Variants in PTPRN2 observed in about 807,000 individuals in gnomAD.
PTPRN2 encodes receptor-type tyrosine-protein phosphatase N2.
A neutral mutation model predicts 118.8 loss-of-function variants in PTPRN2; 74 were observed. That is an observed-to-expected ratio of 0.62 (90% CI 0.52 to 0.76). The LOEUF (loss-of-function observed/expected upper bound fraction) is 0.76, where lower values mean the gene tolerates loss of function less well. Ranked by LOEUF, PTPRN2 falls within the 30% of genes least tolerant of loss-of-function variation. The pLI, the probability that PTPRN2 is intolerant of heterozygous loss-of-function variation, is 0.00. For synonymous variants in PTPRN2, 641 were observed against 608.0 expected, an observed-to-expected ratio of 1.05 and a Z score of -0.80; for missense variants, 1,481 against 1,394.4, an observed-to-expected ratio of 1.06 and a Z score of -0.99.
intron 1 of PTPRN2, among the ~76,000 whole-genome samples, chr7:158,554,613 A>C (rs1178393420): frequency 1.3e-5 from 2 of 152,286 alleles, no homozygotes; most frequent in Non-Finnish European, 2.9e-5. Flanking sequence ...GATTTAAGGA[A>C]TATTTGAGAT....
intron 3 of PTPRN2, among the ~76,000 whole-genome samples, chr7:158,278,346 AC>A (rs1421577908): frequency 3.1e-4 from 25 of 81,672 alleles, no homozygotes; most frequent in Admixed American, 9.9e-4. Context: ...CTACTAAAAT[AC>A]AAAAAAAAAA....
intron 12 of PTPRN2, among the ~76,000 whole-genome samples, chr7:157,713,448 C>T (rs186815272): frequency 7.9e-5 from 12 of 152,206 alleles, no homozygotes; most frequent in East Asian, 1.9e-4. Context: ...ACGGCATGAT[C>T]GTTCCAAGTC....
intron 12 of PTPRN2, among the ~76,000 whole-genome samples, chr7:157,841,864 G>A (rs995252819): frequency 7.9e-5 from 12 of 151,738 alleles, no homozygotes; most frequent in Non-Finnish European, 1.2e-4. Flanking sequence ...CTTCCTGCGG[G>A]CCTGCAGCCT....
At chr7:158,333,649 T>C (rs1356202815) in intron 2 of PTPRN2, among the ~76,000 whole-genome samples, 268 of 125,104 alleles carry the variant, frequency 2.1e-3, no homozygotes, top group Middle Eastern at 0.016. Context: ...CACACCCACA[T>C]TCTCACCATA....
chr7:158,236,320 C>T (rs914422569), intron 3 of PTPRN2, among the ~76,000 whole-genome samples: 4 of 152,178 alleles, frequency 2.6e-5, no homozygotes, highest in African/African-American at 9.7e-5. Context: ...CCTTCTCCTC[C>T]TCAGATCTAG....
rs180859184 is a variant in PTPRN2, at chr7:158,551,315, T to C, written c.112+36243A>G. 5.3e-5 allele frequency among the ~76,000 whole-genome samples: 8 copies of C among 152,330 alleles called. No individual in the cohort carries two copies. The East Asian group carries it at 1.5e-3, about 29-fold the overall frequency. On this transcript the variant is annotated intron_variant, in intron 1 of 22. Coordinates refer to ENST00000389418, the MANE Select transcript of PTPRN2 (RefSeq NM_002847.5). ...CCACTCTCGTGACCTCACCCAACCC[T>C]AATCACCTCTGGAAGGCCCCGCCTC...
At chr7:158,346,859 T>G (rs975528740) in intron 2 of PTPRN2, among the ~76,000 whole-genome samples, 1 of 152,274 alleles carries the variant, frequency 6.6e-6, no homozygotes, top group South Asian at 2.1e-4. Flanking sequence ...TTAGCACAGT[T>G]GAGCATCTTT....
At chr7:158,522,373 G>A (rs74892747) in intron 1 of PTPRN2, among the ~76,000 whole-genome samples, 2,240 of 51,358 alleles carry the variant, frequency 0.044, 338 homozygotes, top group East Asian at 0.084. Context: ...GTGCTGGCTC[G>A]GGAGGGAGGT....
At chr7:157,889,892 A>G (rs1428517533) in intron 12 of PTPRN2, among the ~76,000 whole-genome samples, 1 of 152,190 alleles carries the variant, frequency 6.6e-6, no homozygotes, top group East Asian at 1.9e-4. Flanking sequence ...CATCAACCCC[A>G]TAAGAGCTGC....
intron 11 of PTPRN2, among the ~76,000 whole-genome samples, chr7:157,910,348 G>C (rs1028290033): frequency 4.7e-5 from 7 of 147,714 alleles, no homozygotes; most frequent in Non-Finnish European, 7.5e-5. Flanking sequence ...CGTGGGAACG[G>C]GTCCAGGATC....
chr7:158,147,266 C>T (rs1820187047), intron 6 of PTPRN2, among the ~76,000 whole-genome samples: 1 of 105,766 alleles, frequency 9.5e-6, no homozygotes, highest in African/African-American at 3.6e-5. Flanking sequence ...CAATGACACC[C>T]CATCTCACGC....
intron 1 of PTPRN2, among the ~76,000 whole-genome samples, chr7:158,500,033 T>TAAA (rs34436604): frequency 8.2e-5 from 10 of 121,606 alleles, no homozygotes; most frequent in African/African-American, 9.5e-5. Flanking sequence ...ACACTTGAGC[T>TAAA]AAAAAAAAAA....
intron 4 of PTPRN2, among the ~76,000 whole-genome samples, chr7:158,203,599 C>CT (rs36100811): frequency 1.3e-5 from 2 of 151,882 alleles, no homozygotes; most frequent in African/African-American, 4.8e-5. Context: ...GTTCTGCACC[C>CT]CCCCAGAGTG....
intron 12 of PTPRN2, among the ~76,000 whole-genome samples, chr7:157,879,742 C>T (rs929125270): frequency 6.6e-6 from 1 of 151,792 alleles, no homozygotes; most frequent in African/African-American, 2.4e-5. Context: ...GAGTGGCCAC[C>T]TCACCCCACG....
At chr7:158,336,868 C>A (rs1384913176) in intron 2 of PTPRN2, among the ~76,000 whole-genome samples, 2 of 103,012 alleles carry the variant, frequency 1.9e-5, no homozygotes, top group African/African-American at 3.3e-5. Flanking sequence ...TAAGAGCTGT[C>A]GCCCGCACAG....
intron 3 of PTPRN2, among the ~76,000 whole-genome samples, chr7:158,269,027 G>A (rs189116089): frequency 4.6e-5 from 7 of 152,300 alleles, no homozygotes; most frequent in East Asian, 3.9e-4. Context: ...GAACCTCCCC[G>A]GCTTTGTTTT....
chr7:158,359,305 G>T (rs1056768216), intron 2 of PTPRN2, among the ~76,000 whole-genome samples: 1 of 152,202 alleles, frequency 6.6e-6, no homozygotes, highest in Non-Finnish European at 1.5e-5. Context: ...CCTCAAGCAC[G>T]AAATGAATGC....
intron 13 of PTPRN2, among the ~76,000 whole-genome samples, chr7:157,679,537 C>A (rs1224641687): frequency 2.6e-5 from 4 of 152,170 alleles, no homozygotes; most frequent in Non-Finnish European, 5.9e-5. Context: ...TGAAATAGTT[C>A]TATTTTGAGG....
chr7:158,413,200 T>G (rs1814346891), intron 2 of PTPRN2, among the ~76,000 whole-genome samples: 1 of 152,222 alleles, frequency 6.6e-6, no homozygotes, highest in African/African-American at 2.4e-5. Context: ...AGATGCAAGC[T>G]CGTTCCAGAC....
Sources: gnomAD v4.1 joint callset for allele counts (sites outside exome capture counted in the v4.1 genomes callset) on GRCh38, gnomAD v4.1.1 for gene constraint, MANE v1.5 for transcripts, NCBI Gene and HGNC (gene_info 2026-07-23, HGNC 2026-07-21) for gene names.